Variants in PLCH1 observed in about 807,000 individuals in gnomAD.
PLCH1 encodes phospholipase C eta 1.
In PLCH1, 60 loss-of-function variants were observed where a neutral mutation model predicts 126.7. The ratio of observed to expected loss-of-function variants is 0.47; its 90% CI spans 0.38 to 0.59. The LOEUF (loss-of-function observed/expected upper bound fraction) is 0.59, where lower values mean the gene tolerates loss of function less well. PLCH1 is among the 20% of genes least tolerant of loss of function. PLCH1 has a pLI of 0.00. For synonymous variants in PLCH1, 719 were observed against 734.9 expected, an observed-to-expected ratio of 0.98 and a Z score of 0.35; for missense variants, 1,723 against 2,040.0, an observed-to-expected ratio of 0.84 and a Z score of 2.99.
chr3:155,549,645 T>G (rs1725841244), intron 10 of PLCH1, 142 bp downstream of exon 10: 3 of 599,404 alleles, frequency 5.0e-6, no homozygotes, highest in Non-Finnish European at 8.7e-6. Context: ...AAAATTGGAA[T>G]AAGGCGCATA....
chr3:155,709,246 T>C (rs566580527), intron 1 of PLCH1, among the ~76,000 whole-genome samples: 4 of 152,342 alleles, frequency 2.6e-5, no homozygotes, highest in African/African-American at 7.2e-5. Context: ...CAAACATCCA[T>C]GTGCAAGTTT....
chr3:155,621,553 AAAG>A (rs1404299214), intron 2 of PLCH1, among the ~76,000 whole-genome samples: 2 of 152,246 alleles, frequency 1.3e-5, no homozygotes, highest in Non-Finnish European at 1.5e-5. Context: ...TAATCAGTTT[AAAG>A]AAGAACACAA....
intron 15 of PLCH1, among the ~76,000 whole-genome samples, chr3:155,496,406 A>T (rs1717039780): frequency 6.6e-6 from 1 of 152,086 alleles, no homozygotes; most frequent in Admixed American, 6.6e-5. Flanking sequence ...ATGCTCTCAC[A>T]TGTGAAATTC....
intron 2 of PLCH1, among the ~76,000 whole-genome samples, chr3:155,650,091 C>T (rs1315234352): frequency 6.6e-6 from 1 of 152,132 alleles, no homozygotes; most frequent in East Asian, 1.9e-4. Context: ...CTTCCACAAA[C>T]AGCCCCCCCA....
chr3:155,681,572 C>A (rs572716230), intron 2 of PLCH1, among the ~76,000 whole-genome samples: 1 of 152,256 alleles, frequency 6.6e-6, no homozygotes, highest in Non-Finnish European at 1.5e-5. Context: ...TGCCTTCAGT[C>A]TCTCTTTTTT....
intron 2 of PLCH1, among the ~76,000 whole-genome samples, chr3:155,608,651 T>C (rs1318190134): frequency 1.3e-5 from 2 of 152,078 alleles, no homozygotes; most frequent in Non-Finnish European, 2.9e-5. Flanking sequence ...TAATTACTCT[T>C]GGAACATAAT....
chr3:155,483,048 T>C lies in PLCH1; in HGVS notation c.2978A>G (p.Glu993Gly), dbSNP rs542832894. 1 of 1,612,136 alleles carries C rather than the reference T, an allele frequency of 6.2e-7. No homozygotes were observed. Among genetic ancestry groups the C allele is most frequent in the Admixed American group, 1.7e-5 (1 of 59,954 alleles). ...DIEGKENSLAEDKDGRRKGKA... is the reference protein window; with the variant it reads ...DIEGKENSLAGDKDGRRKGKA... ...CCCTTTTCTTCTGCCATCTTTATCT[T>C]CTGCTGAAGGAGACAAACAATATTT... The change falls in exon 23 of 23, where the codon GAA becomes GGA. Residue 993 changes from glutamate to glycine, a missense_variant. By Grantham distance (98) the Glu-to-Gly change is moderately conservative (BLOSUM62 -2). Coordinates refer to ENST00000460012, the MANE Select transcript of PLCH1 (RefSeq NM_014996.4).
chr3:155,554,826 A>T (rs1451092671), intron 8 of PLCH1, among the ~76,000 whole-genome samples: 3 of 152,240 alleles, frequency 2.0e-5, no homozygotes, highest in African/African-American at 7.2e-5. Flanking sequence ...TAGCACTTAC[A>T]TCATAAATTT....
At chr3:155,703,917 G>T (rs543985098) in intron 2 of PLCH1, among the ~76,000 whole-genome samples, 2 of 152,124 alleles carry the variant, frequency 1.3e-5, no homozygotes, top group African/African-American at 4.8e-5. Context: ...ACTACCCTAC[G>T]AAATAGAAAG....
chr3:155,585,264 GAACAAGTACA>G (rs1396809886), intron 5 of PLCH1, among the ~76,000 whole-genome samples: 1 of 152,076 alleles, frequency 6.6e-6, no homozygotes, highest in Non-Finnish European at 1.5e-5. Context: ...CCACCTCTAA[GAACAAGTACA>G]AACATTAAAC....
chr3:155,588,600 G>C (rs139577893), intron 4 of PLCH1, among the ~76,000 whole-genome samples: 1 of 152,250 alleles, frequency 6.6e-6, no homozygotes, highest in Non-Finnish European at 1.5e-5. Context: ...AAGAGGCAGG[G>C]ACAGCCAAAC....
At chr3:155,452,986 G>C (rs1576757559) in intron 21 of PLCH1, among the ~76,000 whole-genome samples, 1 of 152,226 alleles carries the variant, frequency 6.6e-6, no homozygotes, top group Non-Finnish European at 1.5e-5. Context: ...AAATAAGTTG[G>C]ATCCTGTAAG....
chr3:155,601,913 C>G (rs921558921), intron 2 of PLCH1, among the ~76,000 whole-genome samples: 4 of 152,144 alleles, frequency 2.6e-5, no homozygotes, highest in Non-Finnish European at 5.9e-5. Flanking sequence ...ATGGGCCCTT[C>G]CTGGATAGTT....
At chr3:155,682,297 T>C (rs770337216) in intron 2 of PLCH1, among the ~76,000 whole-genome samples, 1 of 152,190 alleles carries the variant, frequency 6.6e-6, no homozygotes, top group East Asian at 1.9e-4. Context: ...TCATCATCAG[T>C]ACATTTGAGG....
At chr3:155,556,141 T>C (rs1726787410) in intron 8 of PLCH1, among the ~76,000 whole-genome samples, 1 of 152,218 alleles carries the variant, frequency 6.6e-6, no homozygotes, top group Non-Finnish European at 1.5e-5. Flanking sequence ...AAAGTCTGCC[T>C]TTAGAGTTCG....
At chr3:155,496,150 C>T (rs140849876) in intron 15 of PLCH1, among the ~76,000 whole-genome samples, 213 of 152,234 alleles carry the variant, frequency 1.4e-3, no homozygotes, top group African/African-American at 4.9e-3. Context: ...ATCTAGTTTT[C>T]ATTTTGTGGC....
At chr3:155,541,865 A>C (rs1391034346) in intron 10 of PLCH1, among the ~76,000 whole-genome samples, 1 of 152,114 alleles carries the variant, frequency 6.6e-6, no homozygotes, top group Admixed American at 6.6e-5. Flanking sequence ...AAATGCAATA[A>C]AGTAAAATAC....
At chr3:155,653,498 G>T (rs376154387) in intron 2 of PLCH1, among the ~76,000 whole-genome samples, 1 of 152,014 alleles carries the variant, frequency 6.6e-6, no homozygotes, top group Non-Finnish European at 1.5e-5. Context: ...CCTTCACCCC[G>T]CATTCCCTTA....
chr3:155,582,298 G>A (rs1730821452), intron 6 of PLCH1, among the ~76,000 whole-genome samples: 1 of 150,886 alleles, frequency 6.6e-6, no homozygotes, highest in African/African-American at 2.4e-5. Context: ...GGCTAGGCTT[G>A]TCTCAAACTC....
Sources: gnomAD v4.1 joint callset for allele counts (sites outside exome capture counted in the v4.1 genomes callset) on GRCh38, gnomAD v4.1.1 for gene constraint, MANE v1.5 for transcripts, NCBI Gene and HGNC (gene_info 2026-07-23, HGNC 2026-07-21) for gene names.